ABCC2: variants seen among roughly 807,000 people sequenced by gnomAD.
ABCC2 encodes ATP-binding cassette sub-family C member 2.
Under a neutral mutation model 173.4 loss-of-function variants are expected in ABCC2, and 157 were observed. That is an observed-to-expected ratio of 0.91 (90% CI 0.80 to 1.03). ABCC2 has a LOEUF of 1.03. Ranked by LOEUF, ABCC2 falls within the 50% of genes least tolerant of loss-of-function variation. ABCC2 has a pLI of 0.00. For synonymous variants in ABCC2, 657 were observed against 693.5 expected (o/e 0.95, Z 0.83); for missense variants, 1,822 against 1,852.3 (o/e 0.98, Z 0.30).
intron 9 of ABCC2, among the ~76,000 whole-genome samples, chr10:99,803,547 T>C (rs927519929): frequency 6.6e-6 from 1 of 152,130 alleles, no homozygotes; most frequent in Non-Finnish European, 1.5e-5. Flanking sequence ...CCACATAATA[T>C]AGTAGTGAAA....
At chr10:99,845,497 T>A in intron 28 of ABCC2, 127 bp from the exon 29 acceptor site, 1 of 1,255,022 alleles carries the variant, frequency 8.0e-7, no homozygotes, top group Non-Finnish European at 1.2e-6. Context: ...CAAAATCAGT[T>A]TAATATCTTA....
At chr10:99,808,299 A>G (rs2038148884) in intron 13 of ABCC2, 70 bp downstream of exon 13, 7 of 1,573,510 alleles carry the variant, frequency 4.4e-6, no homozygotes, top group South Asian at 2.2e-5. Context: ...ATGACTGGCT[A>G]TCACATCCCA....
chr10:99,839,148 C>T (rs2038885937), intron 25 of ABCC2, among the ~76,000 whole-genome samples: 1 of 133,554 alleles, frequency 7.5e-6, no homozygotes, highest in Non-Finnish European at 1.7e-5. Flanking sequence ...GCCGACCCCC[C>T]CACCTCCCTC....
At chr10:99,828,240 T>C (rs980183223) in intron 19 of ABCC2, among the ~76,000 whole-genome samples, 3 of 151,932 alleles carry the variant, frequency 2.0e-5, no homozygotes, top group African/African-American at 7.3e-5. Context: ...CCGTAAGCCC[T>C]TTTTCTGGTG....
In ABCC2 at chr10:99,793,619, A is replaced by G. The variant is rs778765390; in HGVS notation, c.402A>G (p.Leu134=). 1.3e-5 allele frequency: 21 copies of G among 1,613,930 alleles called. No homozygotes were observed. In the South Asian group the frequency reaches 2.3e-4, roughly 18 times the overall value. ...CVQKNSWFLS[L]FWILSILCGT... ...AGAAAAACTCCTGGTTCCTGTCCCT[A>G]TTCTGGATTCTCTCGATACTCTGTG... The change falls in exon 4 of 32, where the codon CTA becomes CTG. Residue 134 remains leucine, a synonymous_variant. Coordinates refer to ENST00000647814, the MANE Select transcript of ABCC2 (RefSeq NM_000392.5).
intron 6 of ABCC2, among the ~76,000 whole-genome samples, chr10:99,795,795 G>GT (rs2037901245): frequency 8.1e-6 from 1 of 123,984 alleles, no homozygotes; most frequent in South Asian, 2.6e-4. Flanking sequence ...AAGAAAGAAA[G>GT]AAAGAAAGAT....
intron 14 of ABCC2, among the ~76,000 whole-genome samples, chr10:99,810,836 C>T (rs2038198160): frequency 6.6e-6 from 1 of 152,052 alleles, no homozygotes; most frequent in Non-Finnish European, 1.5e-5. Context: ...ACAAGCCTGA[C>T]CAACATGGAG....
intron 11 of ABCC2, among the ~76,000 whole-genome samples, chr10:99,806,776 C>T (rs1390368263): frequency 1.3e-5 from 2 of 152,182 alleles, no homozygotes; most frequent in Non-Finnish European, 2.9e-5. Context: ...CAGAGGTGAC[C>T]AATAAGTTCT....
In ABCC2 at chr10:99,793,665, C is replaced by G. The variant is rs2037846273; in HGVS notation, c.448C>G (p.Leu150Val). Reference protein sequence around the residue: ...ILCGTFQFQTLIRTLLQGDNS... With the variant: ...ILCGTFQFQTVIRTLLQGDNS... ...CTGTGGCACTTTCCAATTTCAGACT[C>G]TGATCCGGACACTCTTACAGGTAAG... The change falls in exon 4 of 32, where the codon CTG becomes GTG. Residue 150 changes from leucine to valine, a missense_variant. Coordinates refer to ENST00000647814, the MANE Select transcript of ABCC2 (RefSeq NM_000392.5). 6 of 1,614,078 alleles carry G rather than the reference C, an allele frequency of 3.7e-6. No individual in the cohort carries two copies. Among genetic ancestry groups the G allele is most frequent in the Non-Finnish European group, 4.2e-6 (5 of 1,179,986 alleles).
intron 1 of ABCC2, among the ~76,000 whole-genome samples, 157 bp downstream of exon 1, chr10:99,783,034 C>T (rs2037641737): frequency 1.3e-5 from 2 of 152,196 alleles, no homozygotes; most frequent in South Asian, 4.1e-4. Context: ...ATAATATCTC[C>T]AGAGGATATA....
intron 24 of ABCC2, among the ~76,000 whole-genome samples, chr10:99,835,274 C>T (rs371882175): frequency 6.7e-4 from 102 of 152,238 alleles, no homozygotes; most frequent in African/African-American, 2.0e-3. Context: ...CCCCCATGTC[C>T]GTGTACAGTT....
intron 19 of ABCC2, among the ~76,000 whole-genome samples, chr10:99,821,709 T>C (rs1018301766): frequency 6.6e-6 from 1 of 152,222 alleles, no homozygotes. Context: ...GAAGAATTTT[T>C]CTTAGTACAT....
intron 25 of ABCC2, 57 bp from the exon 26 acceptor site, chr10:99,841,910 T>C: frequency 6.2e-7 from 1 of 1,613,488 alleles, no homozygotes; most frequent in African/African-American, 1.3e-5. Flanking sequence ...CCAAGGTTGC[T>C]GGTTAAGATG....
In ABCC2 at chr10:99,817,381, C is replaced by G. The variant is rs1019638803; in HGVS notation, c.2168C>G (p.Thr723Arg). Residue 723 changes from threonine to arginine, a missense_variant, in exon 17 of 32, where the codon ACA becomes AGA. Physicochemically the swap from Thr to Arg is moderately conservative, Grantham distance 71. Coordinates refer to ENST00000647814, the MANE Select transcript of ABCC2 (RefSeq NM_000392.5). ...ATAAAGGACAACATCCTTTTTGGAACAGAGTTTAATGAAAAGAGGTACCAG... is the reference window on the plus strand; with the variant it reads ...ATAAAGGACAACATCCTTTTTGGAAGAGAGTTTAATGAAAAGAGGTACCAG... ...GTIKDNILFG[T>R]EFNEKRYQQV... is the part of the protein sequence containing the mutation. 1 of 1,613,998 alleles carries G rather than the reference C, an allele frequency of 6.2e-7. No individual in the cohort carries two copies. The highest frequency in any genetic ancestry group is 1.3e-5 in the African/African-American group (1 of 74,912).
intron 23 of ABCC2, among the ~76,000 whole-genome samples, chr10:99,833,304 A>T (rs1564696326): frequency 6.6e-6 from 1 of 152,216 alleles, no homozygotes; most frequent in Non-Finnish European, 1.5e-5. Flanking sequence ...TAAAGATCAC[A>T]GTTTTCCCCA....
chr10:99,793,835 A>G (rs1253832746), intron 4 of ABCC2, 57 bp from the exon 5 acceptor site: 1 of 1,574,168 alleles, frequency 6.4e-7, no homozygotes, highest in Non-Finnish European at 8.7e-7. Flanking sequence ...TATACGGGCC[A>G]TGTAGACTTC....
At chr10:99,785,986 G>T (rs991827002) in intron 2 of ABCC2, among the ~76,000 whole-genome samples, 1 of 152,140 alleles carries the variant, frequency 6.6e-6, no homozygotes, top group Admixed American at 6.5e-5. Flanking sequence ...GTTGATCGTG[G>T]GTTTTATTAG....
intron 15 of ABCC2, among the ~76,000 whole-genome samples, chr10:99,812,358 C>T (rs966581250): frequency 6.6e-6 from 1 of 152,154 alleles, no homozygotes; most frequent in African/African-American, 2.4e-5. Flanking sequence ...CACCTCAATG[C>T]GCAGATTCAG....
chr10:99,814,672 CAT>C lies in ABCC2; in HGVS notation c.2094+1532_2094+1533del, dbSNP rs1277511982. ...ATACACACACATATGTGTATATACA[CAT>C]ATACACACACGTGTATATACACATA... On this transcript the variant is annotated intron_variant, in intron 16 of 31. Transcript: ENST00000647814. 4.8e-5 allele frequency among the ~76,000 whole-genome samples: 6 copies of C among 124,236 alleles called. 1 individual carries two copies. The South Asian group carries it at 1.4e-3, about 30-fold the overall frequency. The allele number at this position is 124,236 out of a possible 152,430, so 81.5% of individuals were successfully genotyped here. A position where few individuals can be genotyped will look rare whatever the true frequency, so the allele number is the denominator to read the frequency against.
Sources: allele counts gnomAD v4.1 joint callset (sites outside exome capture counted in the v4.1 genomes callset), GRCh38; gene constraint gnomAD v4.1.1; transcripts MANE v1.5; gene names NCBI Gene and HGNC (gene_info 2026-07-23, HGNC 2026-07-21).